Variants in RYR3 observed in about 807,000 individuals in gnomAD.
RYR3 encodes the protein brain ryanodine receptor-calcium release channel.
Under a neutral mutation model 584.3 loss-of-function variants are expected in RYR3, and 207 were observed. That is an observed-to-expected ratio of 0.35 (90% CI 0.32 to 0.40). The LOEUF (loss-of-function observed/expected upper bound fraction) is 0.40, where lower values mean the gene tolerates loss of function less well. RYR3 is among the 10% of genes least tolerant of loss of function. The pLI is 1.00. For missense variants in RYR3, 5,616 were observed against 6,089.2 expected, an observed-to-expected ratio of 0.92 and a Z score of 2.59; for synonymous variants, 2,416 against 2,248.5, an observed-to-expected ratio of 1.07 and a Z score of -2.11.
At chr15:33,520,344 T>G (rs1218888249) in intron 3 of RYR3, among the ~76,000 whole-genome samples, 1 of 152,220 alleles carries the variant, frequency 6.6e-6, no homozygotes, top group Non-Finnish European at 1.5e-5. Flanking sequence ...TTAGACTCTT[T>G]GTTGGAAATA....
intron 20 of RYR3, among the ~76,000 whole-genome samples, chr15:33,627,138 T>C (rs2061032934): frequency 6.6e-6 from 1 of 152,194 alleles, no homozygotes; most frequent in Admixed American, 6.5e-5. Context: ...GGATGGTTAG[T>C]TCTCAGCTCC....
intron 3 of RYR3, 59 bp downstream of exon 3, chr15:33,503,797 G>A (rs1179265648): frequency 6.2e-6 from 6 of 964,372 alleles, no homozygotes; most frequent in Non-Finnish European, 8.2e-6. Context: ...CCCAAAATAC[G>A]TTCTACATTT....
intron 43 of RYR3, among the ~76,000 whole-genome samples, chr15:33,721,142 T>C (rs970571709): frequency 6.6e-6 from 1 of 152,204 alleles, no homozygotes; most frequent in African/African-American, 2.4e-5. Flanking sequence ...TCTGGATAAG[T>C]TGTTCTGTGG....
At chr15:33,385,779 C>T (rs987075887) in intron 1 of RYR3, among the ~76,000 whole-genome samples, 17 of 144,682 alleles carry the variant, frequency 1.2e-4, no homozygotes, top group Non-Finnish European at 2.4e-4. Flanking sequence ...TTATGGCTCA[C>T]TGCAACCTCC....
chr15:33,517,668 G>T (rs1225912811), intron 3 of RYR3, among the ~76,000 whole-genome samples: 1 of 152,070 alleles, frequency 6.6e-6, no homozygotes, highest in African/African-American at 2.4e-5. Flanking sequence ...AAGTGACCCA[G>T]GCTCATCTTA....
At chr15:33,487,898 AT>A (rs2050598704) in intron 2 of RYR3, among the ~76,000 whole-genome samples, 1 of 152,176 alleles carries the variant, frequency 6.6e-6, no homozygotes, top group South Asian at 2.1e-4. Flanking sequence ...CTGTTTCTAC[AT>A]CCACATTGCT....
rs555753826 is a variant in RYR3, at chr15:33,665,014, T to A, written c.5619+1277T>A. On this transcript the variant is annotated intron_variant, in intron 36 of 103. Transcript: ENST00000634891. ...AGCCCTTTGGATTGACTGGAACAGA[T>A]CATTTGCACCACACAAAATGCACAA... 2.0e-5 allele frequency among the ~76,000 whole-genome samples: 3 copies of A among 152,314 alleles called. No homozygotes were observed. In the South Asian group the frequency reaches 6.2e-4, roughly 32 times the overall value.
chr15:33,771,287 G>A (rs2073550059), intron 62 of RYR3, among the ~76,000 whole-genome samples: 1 of 152,250 alleles, frequency 6.6e-6, no homozygotes, highest in South Asian at 2.1e-4. Flanking sequence ...TGTAATCCCA[G>A]CACTTTGGGA....
intron 9 of RYR3, 130 bp downstream of exon 9, chr15:33,548,334 C>T (rs1008615177): frequency 3.4e-6 from 2 of 592,796 alleles, no homozygotes; most frequent in Non-Finnish European, 6.0e-6. Context: ...GAGCTAAGTT[C>T]TGATATTTCT....
At position 33,662,766 on chromosome 15, in the gene RYR3, A is replaced by T; in HGVS notation, c.5236A>T (p.Ile1746Phe). The T allele has an allele frequency of 6.2e-7, 1 of 1,614,094 alleles. No individual in the cohort carries two copies. The highest frequency in any genetic ancestry group is 1.1e-5 in the South Asian group (1 of 91,082). Reference protein sequence around the residue: ...GVFDDDDVRQILLLIDPSVFG... With the variant: ...GVFDDDDVRQFLLLIDPSVFG... ...GTTTGATGATGATGATGTTCGGCAGATCCTCCTCCTGATTGATCCCTCTGT... is the reference window on the plus strand; with the variant it reads ...GTTTGATGATGATGATGTTCGGCAGTTCCTCCTCCTGATTGATCCCTCTGT... The change falls in exon 35 of 104, where the codon ATC becomes TTC. Residue 1746 changes from isoleucine (I) to phenylalanine (F), a missense_variant. By Grantham distance (21) the Ile-to-Phe change is conservative. Around this residue, in one of 9 missense-constraint regions of RYR3, gnomAD observed 753 missense variants for 741.0 expected, o/e 1.02. Coordinates refer to ENST00000634891, the MANE Select transcript of RYR3 (RefSeq NM_001036.6).
chr15:33,393,150 C>T (rs1048342036), intron 1 of RYR3, among the ~76,000 whole-genome samples: 1 of 152,194 alleles, frequency 6.6e-6, no homozygotes, highest in Non-Finnish European at 1.5e-5. Flanking sequence ...TTTTGTGTAA[C>T]TGCTTAAACA....
intron 2 of RYR3, among the ~76,000 whole-genome samples, chr15:33,486,837 G>A (rs1288879810): frequency 6.6e-6 from 1 of 152,152 alleles, no homozygotes; most frequent in Non-Finnish European, 1.5e-5. Context: ...GAGAAGCAGG[G>A]TCCTTTGGGA....
At chr15:33,347,236 T>A (rs903638401) in intron 1 of RYR3, among the ~76,000 whole-genome samples, 23 of 152,164 alleles carry the variant, frequency 1.5e-4, no homozygotes, top group African/African-American at 5.1e-4. Flanking sequence ...AGAGGTATGT[T>A]CCACCTGTTT....
intron 1 of RYR3, among the ~76,000 whole-genome samples, chr15:33,352,166 A>G (rs1473052796): frequency 6.6e-6 from 1 of 152,006 alleles, no homozygotes; most frequent in African/African-American, 2.4e-5. Flanking sequence ...ATTTTTTTTA[A>G]ATTGTTGAGT....
chr15:33,578,765 TAA>T (rs1263790835), intron 12 of RYR3, among the ~76,000 whole-genome samples: 18 of 26,780 alleles, frequency 6.7e-4, no homozygotes, highest in African/African-American at 3.1e-3. Context: ...GAACTTAGAA[TAA>T]AAAAAAAAAA....
rs964888906 is a variant in RYR3 at position 33,311,904 on chromosome 15, G to C, written c.51+808G>C. Among the ~76,000 whole-genome samples, 5 of 152,196 alleles carry C rather than the reference G, an allele frequency of 3.3e-5. No homozygotes were observed. The highest frequency in any genetic ancestry group is 1.2e-4 in the African/African-American group (5 of 41,452). On this transcript the variant is annotated intron_variant, in intron 1 of 103. Transcript: ENST00000634891. This position sits in a 1 kb window ranked among gnomAD's most constrained non-coding sequence, Gnocchi z 4.4. The stretch of plus-strand genomic sequence containing the variant: ...CAGCCACACCAGCCTTGCCCTGTAG[G>C]AGATAATACAAAGACTTTCAGGGTG...
intron 12 of RYR3, among the ~76,000 whole-genome samples, chr15:33,572,340 T>G (rs1206419387): frequency 1.3e-5 from 2 of 152,158 alleles, no homozygotes; most frequent in African/African-American, 4.8e-5. Flanking sequence ...TCCCTTAGTA[T>G]TTCTTACAAG....
At chr15:33,384,267 C>T (rs74693534) in intron 1 of RYR3, among the ~76,000 whole-genome samples, 3,592 of 152,030 alleles carry the variant, frequency 0.024, 77 homozygotes, top group Middle Eastern at 0.048. Flanking sequence ...CTTCTGCCTT[C>T]CTCAAGGCAC....
intron 38 of RYR3, among the ~76,000 whole-genome samples, chr15:33,690,741 C>T (rs75057826): frequency 0.05 from 7,623 of 152,064 alleles, 451 homozygotes; most frequent in African/African-American, 0.14. Context: ...TCTTGGGACC[C>T]CTTTACACTA....
Sources: allele counts gnomAD v4.1 joint callset (sites outside exome capture counted in the v4.1 genomes callset), GRCh38; gene constraint gnomAD v4.1.1; regional missense constraint gnomAD v4.1.1; non-coding constraint Gnocchi (gnomAD v3.1); transcripts MANE v1.5; gene names NCBI Gene and HGNC (gene_info 2026-07-23, HGNC 2026-07-21).